FOCAD: variants seen among roughly 807,000 people sequenced by gnomAD.
FOCAD encodes KIAA1797.
In FOCAD, 198 loss-of-function variants were observed where a neutral mutation model predicts 225.6. The ratio of observed to expected loss-of-function variants is 0.88; its 90% confidence interval spans 0.78 to 0.99. The LOEUF (loss-of-function observed/expected upper bound fraction) is 0.99. FOCAD is among the 50% of genes least tolerant of loss of function. The pLI is 0.00. For synonymous variants in FOCAD, 897 were observed against 755.0 expected, an observed-to-expected ratio of 1.19 and a Z score of -3.08; for missense variants, 2,713 against 2,123.6, an observed-to-expected ratio of 1.28 and a Z score of -5.46.
At chr9:20,917,084 C>G in intron 24 of FOCAD, 147 bp downstream of exon 24, 1 of 614,116 alleles carries the variant, frequency 1.6e-6, no homozygotes, top group Non-Finnish European at 2.8e-6. Context: ...AATCGTTACC[C>G]TTCTTATAGT....
At chr9:20,990,809 G>A (rs1056362205) in intron 42 of FOCAD, among the ~76,000 whole-genome samples, 1 of 152,178 alleles carries the variant, frequency 6.6e-6, no homozygotes, top group Non-Finnish European at 1.5e-5. Flanking sequence ...GGTGGGTCAG[G>A]AAGTTTTCTG....
intron 15 of FOCAD, among the ~76,000 whole-genome samples, chr9:20,835,704 A>C (rs192987852): frequency 3.3e-5 from 5 of 152,200 alleles, no homozygotes; most frequent in Admixed American, 2.6e-4. Context: ...TTAACTTTTA[A>C]CATTTTGTCT....
chr9:20,809,679 TC>T (rs1822844235), intron 11 of FOCAD, among the ~76,000 whole-genome samples: 1 of 152,300 alleles, frequency 6.6e-6, no homozygotes, highest in South Asian at 2.1e-4. Context: ...AAAGTTGAGT[TC>T]AAGTTATTCA....
intron 18 of FOCAD, among the ~76,000 whole-genome samples, chr9:20,871,520 CA>C (rs962175681): frequency 1.6e-4 from 24 of 151,624 alleles, no homozygotes; most frequent in African/African-American, 4.8e-4. Flanking sequence ...TGCACACAAC[CA>C]GGGGGAAAGA....
chr9:20,965,888 A>G (rs943137723), intron 35 of FOCAD, among the ~76,000 whole-genome samples: 1 of 152,176 alleles, frequency 6.6e-6, no homozygotes, highest in South Asian at 2.1e-4. Context: ...TTGCTGAATA[A>G]AAATCCATTG....
At chr9:20,966,038 G>GTA (rs911049044) in intron 35 of FOCAD, among the ~76,000 whole-genome samples, 7 of 152,086 alleles carry the variant, frequency 4.6e-5, no homozygotes, top group Non-Finnish European at 8.8e-5. Context: ...TTCTCTTGGT[G>GTA]TATATATATA....
chr9:20,945,856 G>T (rs1837122434), intron 29 of FOCAD, among the ~76,000 whole-genome samples: 1 of 152,108 alleles, frequency 6.6e-6, no homozygotes, highest in East Asian at 1.9e-4. Flanking sequence ...AGTGCTAGAA[G>T]TTGAATTTTC....
intron 8 of FOCAD, among the ~76,000 whole-genome samples, chr9:20,774,528 A>G (rs181264523): frequency 1.3e-5 from 2 of 152,342 alleles, no homozygotes; most frequent in Admixed American, 1.3e-4. Flanking sequence ...GGTAAAGGAA[A>G]GTTAGAATAA....
chr9:20,828,518 C>T (rs1192295790), intron 15 of FOCAD, among the ~76,000 whole-genome samples: 1 of 152,042 alleles, frequency 6.6e-6, no homozygotes, highest in East Asian at 1.9e-4. Flanking sequence ...AGACTATTTT[C>T]CATAGTGGTT....
chr9:20,890,797 A>G (rs1831546164), intron 21 of FOCAD, among the ~76,000 whole-genome samples: 1 of 152,130 alleles, frequency 6.6e-6, no homozygotes, highest in African/African-American at 2.4e-5. Flanking sequence ...GCATCTTGGC[A>G]TGGAGTTTTC....
At chr9:20,818,550 G>T (rs1279939824) in intron 11 of FOCAD, among the ~76,000 whole-genome samples, 2 of 152,014 alleles carry the variant, frequency 1.3e-5, no homozygotes, top group African/African-American at 4.8e-5. Flanking sequence ...TGTTGTATGA[G>T]AAAGGGGTCC....
chr9:20,924,996 G>A lies in FOCAD; in HGVS notation c.2961+1228G>A, dbSNP rs574710458. ...CTAACCTTCAAACAGTGGGGAAGAC[G>A]GAACTCTGCAAAGGGTGTTACTACC... On this transcript the variant is annotated intron_variant, in intron 25 of 43. Coordinates refer to ENST00000338382, the MANE Select transcript of FOCAD (RefSeq NM_001375567.1). Among the ~76,000 whole-genome samples the A allele has an allele frequency of 4.6e-5, 7 of 152,232 alleles. No individual in the cohort carries two copies. In the South Asian group the frequency reaches 6.2e-4, roughly 14 times the overall value.
Position 20,929,582 on chromosome 9 carries a change from T to C in FOCAD, c.3303T>C (p.Cys1101=), listed in dbSNP as rs1216323851. ...TAGGGATGTTTCTCTCTCGCTTGTG[T>C]GAAGAGAAACTCAGGTACAGTTTAT... ...LALGMFLSRL[C]EEKLSDISGQ... is the part of the protein sequence containing the mutation. Residue 1101 remains cysteine, a synonymous_variant, in exon 27 of 44, where the codon TGT becomes TGC. Transcript: ENST00000338382. The C allele has an allele frequency of 1.9e-6, 3 of 1,613,568 alleles. No homozygotes were observed. The Admixed American group carries it at 5.0e-5, about 27-fold the overall frequency.
At chr9:20,763,309 T>G (rs1053173709) in intron 6 of FOCAD, among the ~76,000 whole-genome samples, 1 of 152,074 alleles carries the variant, frequency 6.6e-6, no homozygotes, top group Non-Finnish European at 1.5e-5. Flanking sequence ...GATACAGATA[T>G]TAAGTATGTA....
chr9:20,897,608 C>T (rs1377906248), intron 21 of FOCAD, among the ~76,000 whole-genome samples: 1 of 151,694 alleles, frequency 6.6e-6, no homozygotes, highest in African/African-American at 2.4e-5. Flanking sequence ...TTGCAAACAA[C>T]ACTATACCAC....
At chr9:20,945,468 G>C (rs115991369) in intron 29 of FOCAD, among the ~76,000 whole-genome samples, 6,988 of 152,226 alleles carry the variant, frequency 0.046, 220 homozygotes, top group African/African-American at 0.088. Flanking sequence ...GCCTGCCCAT[G>C]AGCTATTGAT....
intron 42 of FOCAD, among the ~76,000 whole-genome samples, chr9:20,992,577 T>G (rs1194655553): frequency 6.6e-6 from 1 of 152,134 alleles, no homozygotes; most frequent in Non-Finnish European, 1.5e-5. Flanking sequence ...GGCAAGGTTT[T>G]TAATCTCTCT....
At chr9:20,897,173 G>A (rs1832159417) in intron 21 of FOCAD, 1 of 151,612 alleles carries the variant, frequency 6.6e-6, no homozygotes, top group Non-Finnish European at 1.5e-5. Flanking sequence ...AGCTTTCCTT[G>A]TTGTCAAGTC....
intron 28 of FOCAD, among the ~76,000 whole-genome samples, chr9:20,938,898 A>G (rs534345423): frequency 3.0e-4 from 45 of 151,960 alleles, no homozygotes; most frequent in African/African-American, 1.1e-3. Context: ...TATTATTACC[A>G]CTGAACTGTA....
Sources: allele counts gnomAD v4.1 joint callset (sites outside exome capture counted in the v4.1 genomes callset), GRCh38; gene constraint gnomAD v4.1.1; transcripts MANE v1.5; gene names NCBI Gene and HGNC (gene_info 2026-07-23, HGNC 2026-07-21).